The following C8orf34 variants were observed in gnomAD, a reference collection of about 807,000 sequenced individuals.
C8orf34 encodes the protein uncharacterized protein C8orf34.
A neutral mutation model predicts 68.3 loss-of-function variants in C8orf34; 65 were observed. The ratio of observed to expected loss-of-function variants is 0.95; its 90% CI spans 0.78 to 1.17. C8orf34 has a LOEUF of 1.17. Ranked by LOEUF, C8orf34 falls within the 50% of genes most tolerant of loss-of-function variation. The pLI, the probability that C8orf34 is intolerant of heterozygous loss-of-function variation, is 0.00. For missense variants in C8orf34, 664 were observed against 655.4 expected, an observed-to-expected ratio of 1.01 and a Z score of -0.14; for synonymous variants, 244 against 241.2, an observed-to-expected ratio of 1.01 and a Z score of -0.11.
At chr8:68,638,954 G>C (rs185160921) in intron 7 of C8orf34, among the ~76,000 whole-genome samples, 1 of 152,070 alleles carries the variant, frequency 6.6e-6, no homozygotes, top group Admixed American at 6.6e-5. Context: ...GAAATCACGG[G>C]TTCACTTCTT....
intron 8 of C8orf34, among the ~76,000 whole-genome samples, chr8:68,684,155 T>A (rs1820446920): frequency 6.6e-6 from 1 of 152,162 alleles, no homozygotes; most frequent in South Asian, 2.1e-4. Context: ...AACTGGACCC[T>A]GTTTATTTAA....
chr8:68,814,138 T>C (rs1029471355), intron 12 of C8orf34, among the ~76,000 whole-genome samples: 1 of 152,166 alleles, frequency 6.6e-6, no homozygotes, highest in East Asian at 1.9e-4. Context: ...CACTCTAAGG[T>C]CTGTGCTACA....
At chr8:68,661,165 C>T (rs1418040675) in intron 8 of C8orf34, among the ~76,000 whole-genome samples, 1 of 152,196 alleles carries the variant, frequency 6.6e-6, no homozygotes, top group African/African-American at 2.4e-5. Context: ...TGCATTCCCA[C>T]CCAGCGTGGT....
chr8:68,491,210 A>G (rs1455247183), intron 5 of C8orf34, among the ~76,000 whole-genome samples: 1 of 152,154 alleles, frequency 6.6e-6, no homozygotes. Context: ...AAATAAAGAA[A>G]TAAAATGAAA....
At chr8:68,684,849 G>A (rs73683591) in intron 8 of C8orf34, among the ~76,000 whole-genome samples, 11,190 of 151,682 alleles carry the variant, frequency 0.074, 608 homozygotes, top group African/African-American at 0.15. Flanking sequence ...GTCTTACTCC[G>A]TCACCCAGGC....
intron 4 of C8orf34, among the ~76,000 whole-genome samples, chr8:68,475,578 G>T (rs866953793): frequency 2.6e-5 from 4 of 152,160 alleles, no homozygotes; most frequent in Middle Eastern, 3.2e-3. Flanking sequence ...ACATGGGTTT[G>T]GCTGTTAGTA....
intron 8 of C8orf34, among the ~76,000 whole-genome samples, chr8:68,644,872 A>T (rs1819119173): frequency 6.6e-6 from 1 of 152,196 alleles, no homozygotes; most frequent in Non-Finnish European, 1.5e-5. Flanking sequence ...GCCCATCTCC[A>T]CTGCTTTCTT....
chr8:68,413,564 TC>T (rs1305793011), intron 1 of C8orf34, among the ~76,000 whole-genome samples: 2 of 152,220 alleles, frequency 1.3e-5, no homozygotes, highest in Non-Finnish European at 1.5e-5. Flanking sequence ...TTGGTACCCA[TC>T]CCTAAACAAT....
At chr8:68,432,180 G>A (rs76220606) in intron 1 of C8orf34, among the ~76,000 whole-genome samples, 144 of 151,792 alleles carry the variant, frequency 9.5e-4, no homozygotes, top group African/African-American at 3.2e-3. Flanking sequence ...AACAAGCACC[G>A]TTGTAAAAGT....
At chr8:68,768,862 T>C (rs1823258217) in intron 10 of C8orf34, among the ~76,000 whole-genome samples, 1 of 151,710 alleles carries the variant, frequency 6.6e-6, no homozygotes, top group African/African-American at 2.4e-5. Context: ...TCTAGAGTTT[T>C]CTCTACTAGA....
At chr8:68,657,235 G>A (rs536808122) in intron 8 of C8orf34, among the ~76,000 whole-genome samples, 6 of 152,088 alleles carry the variant, frequency 3.9e-5, no homozygotes, top group Non-Finnish European at 5.9e-5. Context: ...TAAAGTTCTT[G>A]CAATAGTCTG....
At chr8:68,605,256 G>A (rs148187633) in intron 7 of C8orf34, among the ~76,000 whole-genome samples, 87 of 152,212 alleles carry the variant, frequency 5.7e-4, no homozygotes, top group African/African-American at 2.0e-3. Flanking sequence ...ATTCATTCCT[G>A]GTAGGAATGC....
At chr8:68,724,371 G>A (rs1043400360) in intron 10 of C8orf34, among the ~76,000 whole-genome samples, 2 of 152,070 alleles carry the variant, frequency 1.3e-5, no homozygotes, top group Admixed American at 1.3e-4. Context: ...TGCCACAAAT[G>A]TTGAAAACCA....
intron 10 of C8orf34, among the ~76,000 whole-genome samples, chr8:68,773,909 C>T (rs778025617): frequency 6.6e-6 from 1 of 152,160 alleles, no homozygotes; most frequent in Admixed American, 6.6e-5. Flanking sequence ...AGAAAACCCA[C>T]GGTCATCACC....
intron 1 of C8orf34, among the ~76,000 whole-genome samples, chr8:68,396,712 C>CAAAAAAAAAAAAAAA (rs56946858): frequency 5.3e-5 from 1 of 18,696 alleles, no homozygotes; most frequent in African/African-American, 1.8e-4. Context: ...AGCTGCTTGT[C>CAAAAAAAAAAAAAAA]AAAAAAAAAA....
At chr8:68,747,556 T>G (rs889678278) in intron 10 of C8orf34, among the ~76,000 whole-genome samples, 3 of 150,786 alleles carry the variant, frequency 2.0e-5, no homozygotes, top group Non-Finnish European at 3.0e-5. Context: ...ACAAAATCAA[T>G]GTACAAAAAT....
chr8:68,573,428 T>C (rs1029036592), intron 7 of C8orf34, among the ~76,000 whole-genome samples: 1 of 152,080 alleles, frequency 6.6e-6, no homozygotes, highest in African/African-American at 2.4e-5. Flanking sequence ...CCAACCCAGA[T>C]CCAGTCTGCA....
At chr8:68,758,588 A>AATT (rs1822935349) in intron 10 of C8orf34, among the ~76,000 whole-genome samples, 4 of 151,948 alleles carry the variant, frequency 2.6e-5, no homozygotes. Context: ...ATCTCTAATT[A>AATT]AGCTTTTCAA....
chr8:68,766,483 A>G (rs1028907528), intron 10 of C8orf34, among the ~76,000 whole-genome samples: 1 of 152,234 alleles, frequency 6.6e-6, no homozygotes, highest in Non-Finnish European at 1.5e-5. Flanking sequence ...TCAAAAAGTA[A>G]AAATCAAAAT....
Sources: allele counts gnomAD v4.1 joint callset (sites outside exome capture counted in the v4.1 genomes callset), GRCh38; gene constraint gnomAD v4.1.1; transcripts MANE v1.5; gene names NCBI Gene and HGNC (gene_info 2026-07-23, HGNC 2026-07-21).